The following SOX30 variants were observed in gnomAD, a reference collection of about 807,000 sequenced individuals.
SOX30 encodes the protein transcription factor SOX-30.
In SOX30, 17 loss-of-function variants were observed where a neutral mutation model predicts 58.6. The observed-to-expected ratio is 0.29, with a 90% CI of 0.20 to 0.44. The LOEUF (loss-of-function observed/expected upper bound fraction) is 0.44, where lower values mean the gene tolerates loss of function less well. SOX30 is among the 20% of genes least tolerant of loss of function. The pLI, the probability that SOX30 is intolerant of heterozygous loss-of-function variation, is 1.00. For missense variants in SOX30, 951 were observed against 965.8 expected (o/e 0.98, Z 0.20); for synonymous variants, 421 against 400.2 (o/e 1.05, Z -0.62).
At chr5:157,668,570 G>A (rs374842971) in intron 1 of SOX30, among the ~76,000 whole-genome samples, 5 of 151,096 alleles carry the variant, frequency 3.3e-5, no homozygotes, top group East Asian at 1.9e-4. Flanking sequence ...TCATCCATCC[G>A]TCCATCCATC....
chr5:157,654,180 A>G, upstream of SOX30, among the ~76,000 whole-genome samples: 2 of 152,130 alleles, frequency 1.3e-5, no homozygotes, highest in East Asian at 1.9e-4. Flanking sequence ...AAAAAAAAAA[A>G]ACTATTGAAG....
At chr5:157,642,756 A>G (rs1187206880) in intron 3 of SOX30, among the ~76,000 whole-genome samples, 1 of 152,198 alleles carries the variant, frequency 6.6e-6, no homozygotes, top group Non-Finnish European at 1.5e-5. Flanking sequence ...CAAAAAAACT[A>G]GGCAGTCCAA....
At chr5:157,646,227 T>C (rs912914289) in intron 3 of SOX30, among the ~76,000 whole-genome samples, 1 of 152,170 alleles carries the variant, frequency 6.6e-6, no homozygotes, top group African/African-American at 2.4e-5. Flanking sequence ...TCTAGAGCAG[T>C]GAGAGAATGG....
chr5:157,641,332 G>T (rs1759055945), intron 3 of SOX30, among the ~76,000 whole-genome samples: 1 of 152,204 alleles, frequency 6.6e-6, no homozygotes, highest in African/African-American at 2.4e-5. Context: ...CCAGACAAGT[G>T]CTGGGCGTGG....
In SOX30 at chr5:157,667,853, C is replaced by T. The variant is rs950882580; in HGVS notation, c.-3-1G>A. 1 of 1,535,544 alleles carries T rather than the reference C, an allele frequency of 6.5e-7. No individual in the cohort carries two copies. Among genetic ancestry groups the T allele is most frequent in the African/African-American group, 1.4e-5 (1 of 73,140 alleles). On this transcript the variant is annotated splice_acceptor_variant, in intron 1 of 5. Coordinates refer to the SOX30 transcript ENST00000519442. LOFTEE classifies it low-confidence loss of function (5UTR_SPLICE). ...TCCCTCTACAACATTTCTCCATGAC[C>T]TGGAACAAAAAGAAGGGAACTTCTG...
chr5:157,630,526 T>A (rs1758764790), intron 4 of SOX30, among the ~76,000 whole-genome samples: 1 of 152,268 alleles, frequency 6.6e-6, no homozygotes, highest in Middle Eastern at 3.4e-3. Flanking sequence ...GTATTCTTTG[T>A]TATGCATGGT....
intron 4 of SOX30, among the ~76,000 whole-genome samples, chr5:157,627,427 A>G (rs969464502): frequency 1.3e-5 from 2 of 152,194 alleles, no homozygotes; most frequent in African/African-American, 4.8e-5. Flanking sequence ...CAATAGTGCA[A>G]TAGTTGTTTT....
intron 2 of SOX30, chr5:157,667,755 TACATACATACACACAC>T: frequency 7.0e-7 from 1 of 1,424,010 alleles, no homozygotes. Context: ...CATACATACA[TACATACATACACACAC>T]ACACACACAC....
intron 1 of SOX30, among the ~76,000 whole-genome samples, chr5:157,650,625 T>C (rs114255371): frequency 0.012 from 1,810 of 152,320 alleles, 19 homozygotes; most frequent in South Asian, 0.05. Flanking sequence ...AATCACGTAT[T>C]GTTTTCTGCT....
intron 2 of SOX30, among the ~76,000 whole-genome samples, chr5:157,663,275 C>T (rs928408784): frequency 1.3e-4 from 20 of 152,196 alleles, no homozygotes; most frequent in Non-Finnish European, 2.5e-4. Context: ...GGCTTCATCC[C>T]TGCGATGCAA....
intron 1 of SOX30, 81 bp from the exon 2 acceptor site, chr5:157,648,977 T>A: frequency 6.7e-7 from 1 of 1,487,058 alleles, no homozygotes; most frequent in Non-Finnish European, 9.0e-7. Flanking sequence ...TGCACCTCCG[T>A]CTATACTTAT....
At chr5:157,632,457 A>T (rs974315462) in intron 4 of SOX30, among the ~76,000 whole-genome samples, 2 of 152,180 alleles carry the variant, frequency 1.3e-5, no homozygotes, top group African/African-American at 4.8e-5. Context: ...TGTACTAAAA[A>T]TATAAAATTA....
Position 157,651,596 on chromosome 5 carries a change from T to A in SOX30, c.483A>T (p.Arg161Ser). 1 of 1,613,034 alleles carries A rather than the reference T, an allele frequency of 6.2e-7. No homozygotes were observed. Among genetic ancestry groups the A allele is most frequent in the Non-Finnish European group, 8.5e-7 (1 of 1,179,920 alleles). ...CTTCCAACTTGACCACCCTGGAGGCTCTAGGACCGGTTTCGACGGCCCCTC... is the reference window on the plus strand; with the variant it reads ...CTTCCAACTTGACCACCCTGGAGGCACTAGGACCGGTTTCGACGGCCCCTC... ...GPRGAVETGP[R>S]ASRVVKLEGP... Residue 161 changes from arginine to serine, a missense_variant, in exon 1 of 5, where the codon AGA becomes AGT. By Grantham distance (110) the Arg-to-Ser change is moderately radical (BLOSUM62 -1). Around this residue, in one of 7 missense-constraint regions of SOX30, gnomAD observed 363 missense variants for 294.5 expected, o/e 1.23. Transcript: ENST00000265007.
intron 4 of SOX30, among the ~76,000 whole-genome samples, chr5:157,635,422 G>C (rs943667548): frequency 6.6e-6 from 1 of 152,070 alleles, no homozygotes; most frequent in Non-Finnish European, 1.5e-5. Context: ...TCAGGAGTTC[G>C]AGACCAGCCT....
At chr5:157,645,130 A>G (rs1759157280) in intron 3 of SOX30, among the ~76,000 whole-genome samples, 1 of 152,170 alleles carries the variant, frequency 6.6e-6, no homozygotes, top group African/African-American at 2.4e-5. Flanking sequence ...GGGCTATAGG[A>G]TCAGCTTTCT....
chr5:157,635,481 G>A lies in SOX30; in HGVS notation c.1880+2749C>T, dbSNP rs754997829. On this transcript the variant is annotated intron_variant, in intron 4 of 4. Transcript: ENST00000265007. ...TCTACTAAAAATACAAAAATTAGCC[G>A]GGTGTGGTGATAGGCACCTGTGGTC... Among the ~76,000 whole-genome samples the A allele has an allele frequency of 4.5e-4, 69 of 151,938 alleles. 1 individual carries two copies. The highest frequency in any genetic ancestry group is 7.7e-4 in the East Asian group (4 of 5,184).
Position 157,651,682 on chromosome 5 carries a change from G to A in SOX30, c.397C>T (p.Leu133=), listed in dbSNP as rs1759346075. 6.2e-7 allele frequency: 1 copy of A among 1,604,820 alleles called. No homozygotes were observed. Among genetic ancestry groups the A allele is most frequent in the Non-Finnish European group, 8.5e-7 (1 of 1,176,614 alleles). Residue 133 remains leucine (L), a synonymous_variant, in exon 1 of 5, where the codon CTG becomes TTG. Transcript: ENST00000265007. The part of the protein sequence containing the change: ...PELHPVQPLA[L]HVKAKKQKLG... ...TTCTGCTTCTTGGCCTTGACATGCA[G>A]CGCCAGGGGCTGCACCGGGTGCAAC...
intron 1 of SOX30, among the ~76,000 whole-genome samples, chr5:157,649,215 C>T (rs1293173108): frequency 6.6e-6 from 1 of 152,032 alleles, no homozygotes; most frequent in Non-Finnish European, 1.5e-5. Context: ...GTACCTCTAA[C>T]AATAATTAAC....
intron 3 of SOX30, 106 bp from the exon 4 acceptor site, chr5:157,638,828 CACCTT>C: frequency 9.2e-7 from 1 of 1,085,178 alleles, no homozygotes; most frequent in African/African-American, 1.6e-5. Flanking sequence ...CTTCATCAAT[CACCTT>C]ACCTAACTGC....
Sources: allele counts gnomAD v4.1 joint callset (sites outside exome capture counted in the v4.1 genomes callset), GRCh38; gene constraint gnomAD v4.1.1; regional missense constraint gnomAD v4.1.1; transcripts MANE v1.5; gene names NCBI Gene and HGNC (gene_info 2026-07-23, HGNC 2026-07-21).